NXPH1: variants seen among roughly 807,000 people sequenced by gnomAD.
NXPH1 encodes neurexophilin 1, also known as neurexophilin-1.
In NXPH1, 5 loss-of-function variants were observed where a neutral mutation model predicts 23.7. The observed-to-expected ratio is 0.21, with a 90% confidence interval of 0.11 to 0.44. The LOEUF (loss-of-function observed/expected upper bound fraction) is 0.44, where lower values mean the gene tolerates loss of function less well. Ranked by LOEUF, NXPH1 falls within the 20% of genes least tolerant of loss-of-function variation. NXPH1 has a pLI of 0.99. For synonymous variants in NXPH1, 144 were observed against 122.2 expected, an observed-to-expected ratio of 1.18 and a Z score of -1.18; for missense variants, 324 against 321.6, an observed-to-expected ratio of 1.01 and a Z score of -0.06.
At chr7:8,663,473 G>A (rs920249144) in intron 2 of NXPH1, among the ~76,000 whole-genome samples, 1 of 151,872 alleles carries the variant, frequency 6.6e-6, no homozygotes, top group Non-Finnish European at 1.5e-5. Flanking sequence ...AAATCCTTGC[G>A]GCATTTTCAT....
intron 2 of NXPH1, among the ~76,000 whole-genome samples, chr7:8,747,131 T>C (rs1780484395): frequency 6.6e-6 from 1 of 152,178 alleles, no homozygotes; most frequent in South Asian, 2.1e-4. Flanking sequence ...ATTATTCTTC[T>C]ATTCCCTAGA....
intron 2 of NXPH1, among the ~76,000 whole-genome samples, chr7:8,480,194 T>A (rs758804186): frequency 1.4e-4 from 21 of 152,150 alleles, no homozygotes; most frequent in Non-Finnish European, 2.5e-4. Context: ...GGCCTTATAA[T>A]AACTCATTAA....
intron 2 of NXPH1, among the ~76,000 whole-genome samples, chr7:8,461,629 G>C (rs1816696318): frequency 6.6e-6 from 1 of 151,056 alleles, no homozygotes; most frequent in African/African-American, 2.4e-5. Context: ...AGGAGATCGA[G>C]ACCATCCTGG....
At chr7:8,577,135 T>C (rs1246143838) in intron 2 of NXPH1, among the ~76,000 whole-genome samples, 1 of 152,204 alleles carries the variant, frequency 6.6e-6, no homozygotes, top group Non-Finnish European at 1.5e-5. Context: ...TATTGTTTAA[T>C]GTATTTGCAT....
At chr7:8,480,045 T>G (rs1042878301) in intron 2 of NXPH1, among the ~76,000 whole-genome samples, 3 of 151,872 alleles carry the variant, frequency 2.0e-5, no homozygotes, top group African/African-American at 7.3e-5. Context: ...CTATAAAAAG[T>G]GATTGCTATA....
chr7:8,749,449 G>C (rs1196412929), intron 2 of NXPH1, among the ~76,000 whole-genome samples: 2 of 152,188 alleles, frequency 1.3e-5, no homozygotes, highest in Non-Finnish European at 1.5e-5. Flanking sequence ...TCAGTAACAA[G>C]TGGTTGAGTA....
At chr7:8,475,446 C>T (rs1216147584) in intron 2 of NXPH1, among the ~76,000 whole-genome samples, 1 of 152,086 alleles carries the variant, frequency 6.6e-6, no homozygotes, top group Non-Finnish European at 1.5e-5. Context: ...ACTTGATTTA[C>T]AGTTGAATAA....
At chr7:8,529,495 C>T (rs1431536848) in intron 2 of NXPH1, among the ~76,000 whole-genome samples, 1 of 152,138 alleles carries the variant, frequency 6.6e-6, no homozygotes, top group African/African-American at 2.4e-5. Context: ...TTCACACCTG[C>T]CAAGATCTAT....
intron 2 of NXPH1, among the ~76,000 whole-genome samples, chr7:8,684,096 T>C (rs550884986): frequency 6.6e-6 from 1 of 152,142 alleles, no homozygotes; most frequent in Non-Finnish European, 1.5e-5. Context: ...GTTTGATGTA[T>C]AGGACATAAG....
At chr7:8,706,029 A>G (rs1483987928) in intron 2 of NXPH1, among the ~76,000 whole-genome samples, 1 of 152,218 alleles carries the variant, frequency 6.6e-6, no homozygotes, top group Admixed American at 6.5e-5. Context: ...CCCAGTAGAC[A>G]TAATAATATT....
At chr7:8,581,455 A>G (rs10254213) in intron 2 of NXPH1, among the ~76,000 whole-genome samples, 66,187 of 151,930 alleles carry the variant, frequency 0.44, 16,881 homozygotes, top group African/African-American at 0.72. Flanking sequence ...GAATGGGGGA[A>G]GTGCCACACA....
At chr7:8,512,516 A>T (rs1335149950) in intron 2 of NXPH1, among the ~76,000 whole-genome samples, 1 of 152,050 alleles carries the variant, frequency 6.6e-6, no homozygotes, top group Non-Finnish European at 1.5e-5. Flanking sequence ...GATATTTGAG[A>T]GGGTGATTAT....
At chr7:8,554,977 A>G (rs1297698293) in intron 2 of NXPH1, among the ~76,000 whole-genome samples, 1 of 151,728 alleles carries the variant, frequency 6.6e-6, no homozygotes, top group African/African-American at 2.4e-5. Context: ...CTTTTGGATC[A>G]AGACACACAT....
At chr7:8,741,587 A>C (rs553295857) in intron 2 of NXPH1, among the ~76,000 whole-genome samples, 27 of 152,108 alleles carry the variant, frequency 1.8e-4, no homozygotes, top group Non-Finnish European at 3.4e-4. Context: ...CCTTCTCATA[A>C]TAGTTATGCT....
At chr7:8,547,645 C>G (rs1818217617) in intron 2 of NXPH1, among the ~76,000 whole-genome samples, 1 of 151,326 alleles carries the variant, frequency 6.6e-6, no homozygotes, top group Non-Finnish European at 1.5e-5. Flanking sequence ...CCCTTTTCCC[C>G]CTGCCCCACT....
intron 2 of NXPH1, among the ~76,000 whole-genome samples, chr7:8,476,803 T>C (rs1816981803): frequency 6.6e-6 from 1 of 152,036 alleles, no homozygotes; most frequent in Admixed American, 6.6e-5. Context: ...TACCCAGCAA[T>C]GAGAGGGTGT....
intron 2 of NXPH1, among the ~76,000 whole-genome samples, chr7:8,685,001 G>A (rs530039817): frequency 6.6e-6 from 1 of 152,224 alleles, no homozygotes; most frequent in South Asian, 2.1e-4. Flanking sequence ...ATGGCTCTGA[G>A]CGGAATTAGA....
intron 2 of NXPH1, among the ~76,000 whole-genome samples, chr7:8,525,069 A>G (rs1241600893): frequency 6.6e-6 from 1 of 152,218 alleles, no homozygotes; most frequent in Non-Finnish European, 1.5e-5. Flanking sequence ...GAAAGTTTGG[A>G]ACTTCCTAGA....
intron 2 of NXPH1, among the ~76,000 whole-genome samples, chr7:8,578,084 ATTG>A (rs1322465650): frequency 2.0e-5 from 3 of 152,102 alleles, no homozygotes; most frequent in South Asian, 2.1e-4. Flanking sequence ...AATGTTTCTT[ATTG>A]TTTTAAGCCA....
Sources: gnomAD v4.1 joint callset for allele counts (sites outside exome capture counted in the v4.1 genomes callset) on GRCh38, gnomAD v4.1.1 for gene constraint, MANE v1.5 for transcripts, NCBI Gene and HGNC (gene_info 2026-07-23, HGNC 2026-07-21) for gene names.